Variants in SLC26A5 observed in about 807,000 individuals in gnomAD.
SLC26A5 encodes prestin.
A neutral mutation model predicts 81.0 loss-of-function variants in SLC26A5; 51 were observed. The observed-to-expected ratio is 0.63, with a 90% CI of 0.50 to 0.80. SLC26A5 has a LOEUF of 0.80. SLC26A5 is among the 30% of genes least tolerant of loss of function. The pLI is 0.00. For missense variants in SLC26A5, 771 were observed against 905.8 expected (o/e 0.85, Z 1.91); for synonymous variants, 325 against 332.8 (o/e 0.98, Z 0.25).
intron 2 of SLC26A5, among the ~76,000 whole-genome samples, chr7:103,441,016 A>C (rs952247622): frequency 6.6e-6 from 1 of 152,236 alleles, no homozygotes; most frequent in Non-Finnish European, 1.5e-5. Flanking sequence ...ATCAAGGGCC[A>C]TAAGCCCACA....
At chr7:103,381,320 C>T (rs1821765361) in intron 14 of SLC26A5, among the ~76,000 whole-genome samples, 1 of 151,320 alleles carries the variant, frequency 6.6e-6, no homozygotes, top group African/African-American at 2.4e-5. Context: ...AATGCATGTA[C>T]ACCACACACA....
At chr7:103,356,686 GTCTTT>G (rs1275319276) in intron 19 of SLC26A5, among the ~76,000 whole-genome samples, 1 of 152,056 alleles carries the variant, frequency 6.6e-6, no homozygotes. Flanking sequence ...TGTACATATT[GTCTTT>G]TCTTAAGTAT....
intron 9 of SLC26A5, among the ~76,000 whole-genome samples, chr7:103,397,249 A>C (rs1468411731): frequency 6.6e-6 from 1 of 151,766 alleles, no homozygotes; most frequent in Non-Finnish European, 1.5e-5. Flanking sequence ...TCTACTAAAA[A>C]TATAAAAATT....
intron 4 of SLC26A5, among the ~76,000 whole-genome samples, chr7:103,415,444 G>T (rs1824829375): frequency 1.3e-5 from 2 of 152,086 alleles, no homozygotes; most frequent in Admixed American, 6.5e-5. Context: ...CTTCTGGCAG[G>T]AGACATTTGG....
At chr7:103,425,722 T>C (rs1825670290) in intron 2 of SLC26A5, among the ~76,000 whole-genome samples, 2 of 152,112 alleles carry the variant, frequency 1.3e-5, no homozygotes, top group African/African-American at 2.4e-5. Context: ...GATTAAAATA[T>C]AAGGTCATAA....
At chr7:103,404,605 C>G (rs961167787) in intron 8 of SLC26A5, among the ~76,000 whole-genome samples, 1 of 152,102 alleles carries the variant, frequency 6.6e-6, no homozygotes, top group Non-Finnish European at 1.5e-5. Context: ...TCTCTGGCTG[C>G]CCTTAACATT....
downstream of SLC26A5, among the ~76,000 whole-genome samples, chr7:103,370,205 G>C (rs1265943180): frequency 6.6e-6 from 1 of 152,052 alleles, no homozygotes. Context: ...GAAAGGTAAG[G>C]TGCACTAAAA....
Position 103,377,685 on chromosome 7 carries a change from G to GTCTTAA in SLC26A5, c.1899_1900insTTAAGA (p.Met633_Pro634insLeuArg). 1 of 1,614,004 alleles carries GTCTTAA rather than the reference G, an allele frequency of 6.2e-7. No homozygotes were observed. The highest frequency in any genetic ancestry group is 1.1e-5 in the South Asian group (1 of 91,062). Reference sequence around the variant, plus strand: ...ACAGTGTGGACGTTATCCCCTGGGGGCATAAATCTTTGCATTTCCTCAGGA... The same window carrying GTCTTAA: ...ACAGTGTGGACGTTATCCCCTGGGGGTCTTAACATAAATCTTTGCATTTCCTCAGGA... On this transcript the variant is annotated inframe_insertion, in exon 18 of 20. Transcript: ENST00000306312.
At chr7:103,440,478 G>C (rs2116865819) in intron 2 of SLC26A5, among the ~76,000 whole-genome samples, 1 of 152,328 alleles carries the variant, frequency 6.6e-6, no homozygotes. Context: ...GGGCCATTGA[G>C]TTTAGTAATA....
At chr7:103,437,011 G>T (rs1291079656) in intron 2 of SLC26A5, among the ~76,000 whole-genome samples, 7 of 152,082 alleles carry the variant, frequency 4.6e-5, no homozygotes, top group Non-Finnish European at 1.0e-4. Context: ...CCACAGAATG[G>T]GAGTAAGTAT....
At chr7:103,411,688 T>C (rs1282642298) in intron 5 of SLC26A5, 102 bp from the exon 6 acceptor site, 2 of 1,319,084 alleles carry the variant, frequency 1.5e-6, no homozygotes, top group Non-Finnish European at 2.2e-6. Flanking sequence ...GAAATCATGC[T>C]TGAAGGAAGG....
chr7:103,412,304 TA>T (rs1290693265), intron 5 of SLC26A5, among the ~76,000 whole-genome samples: 1 of 152,150 alleles, frequency 6.6e-6, no homozygotes, highest in Non-Finnish European at 1.5e-5. Context: ...TGAAAATATG[TA>T]CAATTCAGAG....
At position 103,382,786 on chromosome 7, in the gene SLC26A5, A is replaced by T. The variant is rs373979005; in HGVS notation, c.1515-2237T>A. On this transcript the variant is annotated intron_variant, in intron 14 of 19. Transcript: ENST00000306312. Reference sequence around the variant, plus strand: ...CTGGGCACATTAATAATATTATAATAATAGTTAACATTATTAACAATCCTG... The same window carrying T: ...CTGGGCACATTAATAATATTATAATTATAGTTAACATTATTAACAATCCTG... 1.2e-4 allele frequency among the ~76,000 whole-genome samples: 18 copies of T among 152,212 alleles called. No individual in the cohort carries two copies. In the East Asian group the frequency reaches 1.3e-3, roughly 11 times the overall value.
chr7:103,444,321 G>A (rs768780996), intron 1 of SLC26A5, among the ~76,000 whole-genome samples: 1 of 152,102 alleles, frequency 6.6e-6, no homozygotes, highest in Admixed American at 6.5e-5. Context: ...GAATACGGAC[G>A]TGCTTCCTAT....
At chr7:103,393,120 A>G in intron 9 of SLC26A5, 54 bp from the exon 10 acceptor site, 1 of 1,608,488 alleles carries the variant, frequency 6.2e-7, no homozygotes, top group Admixed American at 1.7e-5. Context: ...GAAAAGAAAA[A>G]AAACCTTGCG....
Position 103,367,251 on chromosome 7 carries a change from G to A in SLC26A5, c.2041+9557C>T, listed in dbSNP as rs553726787. ...AAAGCAAAGATTCACTTTCTAATTA[G>A]TTTTATATAAAGCAAGCTGTTCTTA... On this transcript the variant is annotated intron_variant, in intron 19 of 19. Coordinates refer to the SLC26A5 transcript ENST00000339444. The surrounding 1 kb of genome is among the most constrained non-coding windows in gnomAD (Gnocchi z 6.1). 1.5e-3 allele frequency among the ~76,000 whole-genome samples: 227 copies of A among 152,236 alleles called. 1 individual carries two copies. Among genetic ancestry groups the A allele is most frequent in the Non-Finnish European group, 1.2e-3 (81 of 68,012 alleles).
chr7:103,425,276 T>A (rs1184004317), intron 2 of SLC26A5, among the ~76,000 whole-genome samples: 1 of 152,212 alleles, frequency 6.6e-6, no homozygotes. Context: ...CTTGACATAT[T>A]GAAAACACTG....
intron 14 of SLC26A5, among the ~76,000 whole-genome samples, chr7:103,381,624 C>T (rs983344560): frequency 6.6e-6 from 1 of 151,514 alleles, no homozygotes; most frequent in East Asian, 1.9e-4. Context: ...ACAATACACA[C>T]ACCACACATG....
chr7:103,429,144 T>A (rs971003500), intron 2 of SLC26A5, among the ~76,000 whole-genome samples: 4 of 152,234 alleles, frequency 2.6e-5, no homozygotes, highest in Admixed American at 2.6e-4. Context: ...CTAGCTAGAA[T>A]GGATTCAGTT....
Sources: allele counts gnomAD v4.1 joint callset (sites outside exome capture counted in the v4.1 genomes callset), GRCh38; gene constraint gnomAD v4.1.1; non-coding constraint Gnocchi (gnomAD v3.1); transcripts MANE v1.5; gene names NCBI Gene and HGNC (gene_info 2026-07-23, HGNC 2026-07-21).